Variants in ANO1 observed in about 807,000 individuals in gnomAD.
ANO1 encodes anoctamin-1.
A neutral mutation model predicts 124.0 loss-of-function variants in ANO1; 59 were observed. The observed-to-expected ratio is 0.48, with a 90% CI of 0.39 to 0.59. The LOEUF (loss-of-function observed/expected upper bound fraction) is 0.59. Ranked by LOEUF, ANO1 falls within the 20% of genes least tolerant of loss-of-function variation. The pLI, the probability that ANO1 is intolerant of heterozygous loss-of-function variation, is 0.00. For synonymous variants in ANO1, 529 were observed against 532.0 expected (o/e 0.99, Z 0.08); for missense variants, 1,059 against 1,328.0 (o/e 0.80, Z 3.15).
intron 11 of ANO1, among the ~76,000 whole-genome samples, chr11:70,136,451 C>A (rs2135548316): frequency 6.7e-6 from 1 of 148,968 alleles, no homozygotes; most frequent in South Asian, 2.2e-4. Context: ...ACCTCCCTCG[C>A]CTCACCCTGG....
intron 1 of ANO1, among the ~76,000 whole-genome samples, chr11:70,035,015 T>C (rs1490733316): frequency 6.6e-6 from 1 of 151,904 alleles, no homozygotes; most frequent in African/African-American, 2.4e-5. Flanking sequence ...TGGGCTCCTA[T>C]GTTGGGGGAC....
chr11:70,005,508 C>T (rs1856468802), intron 1 of ANO1, among the ~76,000 whole-genome samples: 1 of 152,212 alleles, frequency 6.6e-6, no homozygotes, highest in South Asian at 2.1e-4. Flanking sequence ...AATCTCCGCT[C>T]CTCTGTGGAG....
At chr11:70,032,565 C>T (rs1170533021) in intron 1 of ANO1, among the ~76,000 whole-genome samples, 2 of 151,472 alleles carry the variant, frequency 1.3e-5, no homozygotes, top group African/African-American at 2.4e-5. Context: ...GTAGAATCCG[C>T]AGAACCCACT....
the ANO1 span, among the ~76,000 whole-genome samples, chr11:69,966,174 C>T: frequency 1.3e-5 from 2 of 152,224 alleles, no homozygotes; most frequent in Non-Finnish European, 1.5e-5. Flanking sequence ...GGCTGTGAAA[C>T]AGGGCCACCT....
At chr11:70,101,026 G>A (rs1258765220) in intron 2 of ANO1, among the ~76,000 whole-genome samples, 1 of 152,060 alleles carries the variant, frequency 6.6e-6, no homozygotes, top group Non-Finnish European at 1.5e-5. Context: ...GACCACGGTG[G>A]GCTTCAGAAG....
the ANO1 span, among the ~76,000 whole-genome samples, chr11:69,978,352 G>C: frequency 6.6e-6 from 1 of 151,990 alleles, no homozygotes; most frequent in Non-Finnish European, 1.5e-5. Flanking sequence ...CTTGTTTTTT[G>C]GTTTTTGGTT....
intron 1 of ANO1, chr11:70,085,413 C>A (rs2044333561): frequency 1.3e-6 from 2 of 1,522,540 alleles, no homozygotes; most frequent in Admixed American, 4.0e-5. Flanking sequence ...GTGGGCGGGG[C>A]ACGCACACTG....
chr11:70,054,044 A>T (rs1394446188), intron 1 of ANO1, among the ~76,000 whole-genome samples: 6 of 152,030 alleles, frequency 3.9e-5, no homozygotes, highest in Non-Finnish European at 8.8e-5. Flanking sequence ...CTTTCTTGTT[A>T]TCTATCATTT....
intron 8 of ANO1, among the ~76,000 whole-genome samples, chr11:70,123,325 G>C (rs865791233): frequency 2.0e-5 from 3 of 152,192 alleles, no homozygotes; most frequent in African/African-American, 7.2e-5. Context: ...GGGGGCAGCC[G>C]TGGGTACACC....
Position 70,095,346 on chromosome 11 carries a change from A to G in ANO1, c.441+7262A>G, listed in dbSNP as rs11233924. The stretch of plus-strand genomic sequence containing the variant: ...GAAAGAAAGAAAGGAAAGAGAAAGA[A>G]AAAGAAAGAAAGAAAGAAAGAAAGA... On this transcript the variant is annotated intron_variant, in intron 2 of 25. Coordinates refer to ENST00000355303, the MANE Select transcript of ANO1 (RefSeq NM_018043.7). Among the ~76,000 whole-genome samples the G allele has an allele frequency of 1.9e-3, 202 of 104,602 alleles. 13 individuals carry two copies. Among genetic ancestry groups the G allele is most frequent in the Admixed American group, 3.8e-3 (35 of 9,106 alleles). 68.6% of individuals were successfully genotyped at this position (104,602 alleles called of 152,430 possible).
At chr11:70,124,209 A>T in intron 8 of ANO1, 141 bp from the exon 9 acceptor site, 1 of 712,310 alleles carries the variant, frequency 1.4e-6, no homozygotes. Flanking sequence ...CCACGTTCAC[A>T]GCCCACACAG....
chr11:69,969,546 T>C, the ANO1 span, among the ~76,000 whole-genome samples: 1 of 152,198 alleles, frequency 6.6e-6, no homozygotes, highest in Non-Finnish European at 1.5e-5. Context: ...ACTAGGAACC[T>C]GAGCATCCAG....
At chr11:70,159,066 G>A (rs996904697) in intron 16 of ANO1, among the ~76,000 whole-genome samples, 2 of 152,192 alleles carry the variant, frequency 1.3e-5, no homozygotes, top group South Asian at 2.1e-4. Flanking sequence ...GTGCGGGGCC[G>A]GGAAGGAGGT....
chr11:70,019,449 C>G (rs1240104854), intron 1 of ANO1, among the ~76,000 whole-genome samples: 1 of 152,136 alleles, frequency 6.6e-6, no homozygotes, highest in Non-Finnish European at 1.5e-5. Context: ...GAGGGTGCCG[C>G]AGGAAATGGT....
intron 7 of ANO1, among the ~76,000 whole-genome samples, chr11:70,113,697 C>T (rs61885474): frequency 0.01 from 1,552 of 152,236 alleles, 15 homozygotes; most frequent in Middle Eastern, 0.024. Flanking sequence ...CCGGCCCTCC[C>T]TGCTTGTTTT....
intron 4 of ANO1, among the ~76,000 whole-genome samples, chr11:70,104,595 G>A (rs2045419698): frequency 1.3e-5 from 2 of 152,178 alleles, no homozygotes; most frequent in Admixed American, 6.5e-5. Context: ...GGGACTCACC[G>A]CCAGCTGGCT....
At chr11:70,035,365 A>G (rs1857076887) in intron 1 of ANO1, among the ~76,000 whole-genome samples, 1 of 151,852 alleles carries the variant, frequency 6.6e-6, no homozygotes, top group African/African-American at 2.4e-5. Flanking sequence ...CGAACTTTTC[A>G]CTTATTATGA....
At chr11:69,976,067 C>G in the ANO1 span, among the ~76,000 whole-genome samples, 2 of 152,178 alleles carry the variant, frequency 1.3e-5, no homozygotes, top group Non-Finnish European at 1.5e-5. Flanking sequence ...TGCCCTTCAC[C>G]TGGGCCGTGT....
intron 1 of ANO1, among the ~76,000 whole-genome samples, chr11:70,015,452 G>A (rs557935394): frequency 3.9e-5 from 6 of 152,220 alleles, no homozygotes; most frequent in South Asian, 2.1e-4. Flanking sequence ...AGTGTCACCC[G>A]GCGTGCTCAC....
Sources: gnomAD v4.1 joint callset for allele counts (sites outside exome capture counted in the v4.1 genomes callset) on GRCh38, gnomAD v4.1.1 for gene constraint, MANE v1.5 for transcripts, NCBI Gene and HGNC (gene_info 2026-07-23, HGNC 2026-07-21) for gene names.